Variants in WDR72 observed in about 807,000 individuals in gnomAD.
WDR72 encodes the protein WD repeat-containing protein 72.
A neutral mutation model predicts 124.2 loss-of-function variants in WDR72; 120 were observed. The observed-to-expected ratio is 0.97, with a 90% CI of 0.83 to 1.12. The LOEUF is 1.12. Among genes scored for constraint, WDR72 ranks in the 50% most tolerant of loss-of-function variants. The pLI, the probability that WDR72 is intolerant of heterozygous loss-of-function variation, is 0.00. For synonymous variants in WDR72, 452 were observed against 441.7 expected, an observed-to-expected ratio of 1.02 and a Z score of -0.29; for missense variants, 1,387 against 1,278.8, an observed-to-expected ratio of 1.08 and a Z score of -1.29.
At chr15:53,646,642 C>T (rs906472814) in intron 14 of WDR72, among the ~76,000 whole-genome samples, 2 of 152,114 alleles carry the variant, frequency 1.3e-5, no homozygotes, top group Admixed American at 1.3e-4. Context: ...ACCACAACCA[C>T]AAGTGTGTCT....
intron 18 of WDR72, among the ~76,000 whole-genome samples, chr15:53,529,459 C>G (rs1457836857): frequency 6.6e-6 from 1 of 151,808 alleles, no homozygotes; most frequent in African/African-American, 2.4e-5. Flanking sequence ...CAAGACCAAC[C>G]AACTACTGAG....
chr15:53,663,460 A>G (rs529019120), intron 14 of WDR72, among the ~76,000 whole-genome samples: 1 of 152,310 alleles, frequency 6.6e-6, no homozygotes, highest in Non-Finnish European at 1.5e-5. Context: ...GAAGTCAAGG[A>G]ATAAACAAAA....
At chr15:53,730,608 G>A (rs1229905475) in intron 2 of WDR72, among the ~76,000 whole-genome samples, 3 of 152,044 alleles carry the variant, frequency 2.0e-5, no homozygotes, top group African/African-American at 7.2e-5. Flanking sequence ...ATGGCTCCCT[G>A]TTCACTTTAC....
intron 18 of WDR72, among the ~76,000 whole-genome samples, chr15:53,537,860 C>G (rs1473886950): frequency 6.6e-6 from 1 of 152,108 alleles, no homozygotes; most frequent in East Asian, 1.9e-4. Context: ...TTATCTTGAT[C>G]TTCATTGAAG....
intron 18 of WDR72, among the ~76,000 whole-genome samples, chr15:53,552,512 CAAT>C (rs1458067792): frequency 1.3e-5 from 2 of 152,094 alleles, no homozygotes; most frequent in Non-Finnish European, 2.9e-5. Context: ...CAATCTTCTT[CAAT>C]ATTGCTTGTT....
intron 18 of WDR72, among the ~76,000 whole-genome samples, chr15:53,563,648 G>A (rs1364103818): frequency 1.3e-5 from 2 of 151,644 alleles, no homozygotes; most frequent in Non-Finnish European, 3.0e-5. Context: ...TCTAGTAATA[G>A]GAATGTCAGA....
chr15:53,661,302 A>C (rs1373737777), intron 14 of WDR72, among the ~76,000 whole-genome samples: 2 of 152,200 alleles, frequency 1.3e-5, no homozygotes, highest in Non-Finnish European at 2.9e-5. Flanking sequence ...TGAAGGCCTC[A>C]GTCTTCTTCC....
chr15:53,652,003 T>C (rs991255637), intron 14 of WDR72: 5 of 152,200 alleles, frequency 3.3e-5, no homozygotes, highest in Admixed American at 2.6e-4. Flanking sequence ...CTGGCTAAGA[T>C]CAAATGTAGC....
At chr15:53,740,576 G>T (rs374299296) in intron 1 of WDR72, among the ~76,000 whole-genome samples, 23 of 152,070 alleles carry the variant, frequency 1.5e-4, no homozygotes, top group Non-Finnish European at 2.2e-4. Context: ...GATTACAGGC[G>T]TGAGCCACGA....
At position 53,706,346 on chromosome 15, in the gene WDR72, GTGTGTATATATATATATATATA is replaced by G. The variant is rs1199960886; in HGVS notation, c.955-294_955-273del. On this transcript the variant is annotated intron_variant, in intron 9 of 19. Coordinates refer to ENST00000360509, the MANE Select transcript of WDR72 (RefSeq NM_182758.4). Reference sequence around the variant, plus strand: ...GTTATATGTGCGTGTGTGTGTGTGTGTGTGTATATATATATATATATATATATATATATATATATATATATAT... The same window carrying G: ...GTTATATGTGCGTGTGTGTGTGTGTGTATATATATATATATATATATATAT... Among the ~76,000 whole-genome samples the G allele has an allele frequency of 3.2e-3, 312 of 98,070 alleles. 4 individuals are homozygous for G. The highest frequency in any genetic ancestry group is 0.019 in the South Asian group (51 of 2,714). The allele number at this position is 98,070 out of a possible 152,430, so 64.3% of individuals were successfully genotyped here.
At chr15:53,520,653 C>T (rs1036519030) in intron 19 of WDR72, among the ~76,000 whole-genome samples, 16 of 152,042 alleles carry the variant, frequency 1.1e-4, no homozygotes, top group African/African-American at 3.9e-4. Context: ...TCCAGAGAAA[C>T]ACCACTCACA....
At chr15:53,657,031 A>G (rs376238494) in intron 14 of WDR72, among the ~76,000 whole-genome samples, 30 of 152,056 alleles carry the variant, frequency 2.0e-4, no homozygotes, top group Admixed American at 7.9e-4. Flanking sequence ...TTGGGAGGCC[A>G]AGGCGGGCAG....
chr15:53,623,609 C>T (rs1448440097), intron 14 of WDR72, among the ~76,000 whole-genome samples: 1 of 152,106 alleles, frequency 6.6e-6, no homozygotes, highest in African/African-American at 2.4e-5. Context: ...AATAGTGCTG[C>T]AATGAACATA....
intron 1 of WDR72, among the ~76,000 whole-genome samples, chr15:53,757,942 G>T (rs1158323181): frequency 1.3e-5 from 2 of 151,922 alleles, no homozygotes; most frequent in Non-Finnish European, 2.9e-5. Context: ...GTTAATGGAA[G>T]ATTTCACACA....
intron 18 of WDR72, among the ~76,000 whole-genome samples, chr15:53,570,397 A>C (rs1458753417): frequency 6.6e-6 from 1 of 152,054 alleles, no homozygotes; most frequent in African/African-American, 2.4e-5. Flanking sequence ...CAAGGAAAAA[A>C]ATGAAAAACG....
In WDR72 at chr15:53,565,422, C is replaced by G. The variant is rs117435608; in HGVS notation, c.3148+31657G>C. 2.8e-4 allele frequency among the ~76,000 whole-genome samples: 42 copies of G among 151,996 alleles called. No homozygotes were observed. The East Asian group carries it at 8.0e-3, about 29-fold the overall frequency. On this transcript the variant is annotated intron_variant, in intron 18 of 19. Transcript: ENST00000360509. Reference sequence around the variant, plus strand: ...CCATTTCTTTTTTGGAAGGCAAACACCATTAACAGCTTCTTGCGTGTCTTT... The same window carrying G: ...CCATTTCTTTTTTGGAAGGCAAACAGCATTAACAGCTTCTTGCGTGTCTTT...
chr15:53,755,362 A>T (rs1215685336), intron 1 of WDR72, among the ~76,000 whole-genome samples: 1 of 152,236 alleles, frequency 6.6e-6, no homozygotes, highest in Non-Finnish European at 1.5e-5. Flanking sequence ...TATTTCCCTT[A>T]ACTAAAAATT....
chr15:53,522,178 A>T (rs2140208577), intron 19 of WDR72, among the ~76,000 whole-genome samples: 1 of 152,190 alleles, frequency 6.6e-6, no homozygotes, highest in Non-Finnish European at 1.5e-5. Context: ...CATAGATTGC[A>T]GGCTGCACCT....
rs755046046 is a variant in WDR72 at position 53,665,666 on chromosome 15, G to A, written c.1868C>T (p.Thr623Ile). The A allele has an allele frequency of 2.5e-6, 4 of 1,613,900 alleles. No homozygotes were observed. Among genetic ancestry groups the A allele is most frequent in the Non-Finnish European group, 3.4e-6 (4 of 1,179,888 alleles). Residue 623 changes from threonine to isoleucine, a missense_variant, in exon 14 of 20, where the codon ACA becomes ATA. Coordinates refer to ENST00000360509, the MANE Select transcript of WDR72 (RefSeq NM_182758.4). Reference protein sequence around the residue: ...VKSVLPIASETLKHKSIEQRS... With the variant: ...VKSVLPIASEILKHKSIEQRS... Reference sequence around the variant, plus strand: ...CTGTTCTATACTTTTGTGCTTAAGTGTCTCTGAGGCAATGGGAAGTACAGA... The same window carrying A: ...CTGTTCTATACTTTTGTGCTTAAGTATCTCTGAGGCAATGGGAAGTACAGA...
Sources: allele counts gnomAD v4.1 joint callset (sites outside exome capture counted in the v4.1 genomes callset), GRCh38; gene constraint gnomAD v4.1.1; transcripts MANE v1.5; gene names NCBI Gene and HGNC (gene_info 2026-07-23, HGNC 2026-07-21).